Variants in IGF1R observed in about 807,000 individuals in gnomAD.
The protein encoded by IGF1R is insulin-like growth factor 1 receptor.
A neutral mutation model predicts 144.6 loss-of-function variants in IGF1R; 44 were observed. The observed-to-expected ratio is 0.30, with a 90% CI of 0.24 to 0.39. IGF1R has a LOEUF of 0.39. IGF1R is among the 10% of genes least tolerant of loss of function. The pLI is 1.00. For missense variants in IGF1R, 1,355 were observed against 1,833.7 expected, an observed-to-expected ratio of 0.74 and a Z score of 4.77; for synonymous variants, 795 against 722.8, an observed-to-expected ratio of 1.10 and a Z score of -1.60.
At chr15:98,746,113 G>A (rs1201502674) in intron 2 of IGF1R, among the ~76,000 whole-genome samples, 1 of 152,172 alleles carries the variant, frequency 6.6e-6, no homozygotes, top group Non-Finnish European at 1.5e-5. Context: ...GGCAAGGCAG[G>A]CTTCTTTTTT....
intron 10 of IGF1R, among the ~76,000 whole-genome samples, chr15:98,921,014 C>G (rs969649457): frequency 1.3e-5 from 2 of 152,216 alleles, no homozygotes; most frequent in Admixed American, 6.5e-5. Context: ...CTGCCGCGCT[C>G]TCCCCTCCAT....
Position 98,803,718 on chromosome 15 carries a change from C to T in IGF1R, c.641-87607C>T, listed in dbSNP as rs1027742345. On this transcript the variant is annotated intron_variant, in intron 2 of 20. Coordinates refer to ENST00000650285, the MANE Select transcript of IGF1R (RefSeq NM_000875.5). ...ATGAGGTTTCACCATGTTGCCCAGGCTGATCTCAAACTCCTGACCTTAAGT... is the reference window on the plus strand; with the variant it reads ...ATGAGGTTTCACCATGTTGCCCAGGTTGATCTCAAACTCCTGACCTTAAGT... Among the ~76,000 whole-genome samples the T allele has an allele frequency of 2.6e-5, 4 of 152,192 alleles. No individual in the cohort carries two copies. The East Asian group carries it at 5.8e-4, about 22-fold the overall frequency.
intron 2 of IGF1R, among the ~76,000 whole-genome samples, chr15:98,742,910 G>A (rs139477560): frequency 6.6e-6 from 1 of 152,064 alleles, no homozygotes; most frequent in African/African-American, 2.4e-5. Flanking sequence ...GGTGGTGGGT[G>A]CCTGTAATCC....
At chr15:98,835,615 A>G (rs2057085925) in intron 2 of IGF1R, among the ~76,000 whole-genome samples, 1 of 152,188 alleles carries the variant, frequency 6.6e-6, no homozygotes, top group South Asian at 2.1e-4. Flanking sequence ...AAGAGTAGGG[A>G]AGAGCTGCAG....
At chr15:98,835,154 C>T (rs992282609) in intron 2 of IGF1R, among the ~76,000 whole-genome samples, 1 of 150,840 alleles carries the variant, frequency 6.6e-6, no homozygotes, top group African/African-American at 2.4e-5. Flanking sequence ...CACACACCCA[C>T]CCCTACACCC....
In IGF1R at chr15:98,964,373, T is replaced by C. The variant is rs891141089; in HGVS notation, c.*6931T>C. On this transcript the variant is annotated 3_prime_UTR_variant, in exon 21 of 21. Transcript: ENST00000650285. The stretch of plus-strand genomic sequence containing the variant: ...TGTATATTCTGTTGTAAGAATTTAT[T>C]CCTGTTATTGCGATATACTCTGGAT... The C allele has an allele frequency of 4.3e-6, 1 of 230,876 alleles. No individual in the cohort carries two copies. Among genetic ancestry groups the C allele is most frequent in the Non-Finnish European group, 8.6e-6 (1 of 116,500 alleles). 14.3% of individuals were successfully genotyped at this position (230,876 alleles called of 1,614,324 possible).
At position 98,949,182 on chromosome 15, in the gene IGF1R, C is replaced by T. The variant is rs200826471; in HGVS notation, c.3722+474C>T. Among the ~76,000 whole-genome samples, 10 of 152,222 alleles carry T rather than the reference C, an allele frequency of 6.6e-5. No individual in the cohort carries two copies. The East Asian group carries it at 1.3e-3, about 21-fold the overall frequency. The stretch of plus-strand genomic sequence containing the variant: ...ATGGCCAGGACTCCGGCATGCACCA[C>T]GTAGGGTCAGCTTGGTGTCTTCTGA... On this transcript the variant is annotated intron_variant, in intron 20 of 20. Transcript: ENST00000650285.
intron 1 of IGF1R, among the ~76,000 whole-genome samples, chr15:98,697,279 T>G (rs1466714196): frequency 6.6e-6 from 1 of 152,148 alleles, no homozygotes; most frequent in Admixed American, 6.5e-5. Context: ...CATCAGATAG[T>G]GAGAACCTGC....
chr15:98,872,026 C>T (rs1046814372), intron 2 of IGF1R, among the ~76,000 whole-genome samples: 1 of 152,218 alleles, frequency 6.6e-6, no homozygotes, highest in Non-Finnish European at 1.5e-5. Context: ...GCAGCCTCAG[C>T]CCCCACCCTA....
At chr15:98,722,814 G>A (rs1229626566) in intron 2 of IGF1R, among the ~76,000 whole-genome samples, 1 of 152,214 alleles carries the variant, frequency 6.6e-6, no homozygotes, top group East Asian at 1.9e-4. Flanking sequence ...TGGGCATGCA[G>A]TGGGTGAGAG....
chr15:98,650,111 C>T (rs2052315545), intron 1 of IGF1R, among the ~76,000 whole-genome samples: 1 of 152,152 alleles, frequency 6.6e-6, no homozygotes, highest in African/African-American at 2.4e-5. Flanking sequence ...GCACCCTGGG[C>T]CGCACCGCGT....
At chr15:98,884,740 T>C (rs968640476) in intron 2 of IGF1R, among the ~76,000 whole-genome samples, 1 of 150,364 alleles carries the variant, frequency 6.7e-6, no homozygotes, top group Non-Finnish European at 1.5e-5. Flanking sequence ...CCTGGACATA[T>C]CTTGAATCTA....
At chr15:98,917,174 G>A (rs1008467820) in intron 10 of IGF1R, among the ~76,000 whole-genome samples, 6 of 152,176 alleles carry the variant, frequency 3.9e-5, no homozygotes, top group Non-Finnish European at 7.4e-5. Flanking sequence ...TAGAGGCAGG[G>A]AGGGGAAACT....
intron 1 of IGF1R, among the ~76,000 whole-genome samples, chr15:98,656,490 A>G (rs2052488061): frequency 1.3e-5 from 2 of 152,212 alleles, no homozygotes; most frequent in Admixed American, 1.3e-4. Flanking sequence ...CAGAGGTTGC[A>G]GTGAGCCAAG....
At chr15:98,673,392 C>T (rs2052948893) in intron 1 of IGF1R, among the ~76,000 whole-genome samples, 1 of 152,168 alleles carries the variant, frequency 6.6e-6, no homozygotes, top group Non-Finnish European at 1.5e-5. Context: ...TTTTACCTTT[C>T]CTCAGCTGCT....
intron 20 of IGF1R, 120 bp from the exon 21 acceptor site, chr15:98,956,941 C>A: frequency 8.9e-7 from 1 of 1,117,924 alleles, no homozygotes; most frequent in Non-Finnish European, 1.3e-6. Flanking sequence ...GGCAGCAGGG[C>A]TGTGTTCAGT....
chr15:98,882,114 A>G (rs1331925231), intron 2 of IGF1R, among the ~76,000 whole-genome samples: 2 of 152,204 alleles, frequency 1.3e-5, no homozygotes, highest in Non-Finnish European at 2.9e-5. Context: ...GCATTTCTAC[A>G]CTGTTCAGAC....
chr15:98,803,032 A>T (rs977505049), intron 2 of IGF1R, among the ~76,000 whole-genome samples: 2 of 152,230 alleles, frequency 1.3e-5, no homozygotes, highest in Non-Finnish European at 2.9e-5. Flanking sequence ...ATTCAGTAAC[A>T]TGAAGGTAAT....
intron 2 of IGF1R, among the ~76,000 whole-genome samples, chr15:98,775,865 G>T (rs953975779): frequency 6.6e-6 from 1 of 152,184 alleles, no homozygotes; most frequent in Non-Finnish European, 1.5e-5. Flanking sequence ...TTGGGGTCTG[G>T]GACCACACTT....
Sources: gnomAD v4.1 joint callset for allele counts (sites outside exome capture counted in the v4.1 genomes callset) on GRCh38, gnomAD v4.1.1 for gene constraint, MANE v1.5 for transcripts, NCBI Gene and HGNC (gene_info 2026-07-23, HGNC 2026-07-21) for gene names.